The following NPEPPS variants were observed in gnomAD, a reference collection of about 807,000 sequenced individuals.
NPEPPS encodes aminopeptidase puromycin sensitive.
NPEPPS carries 14 observed loss-of-function variants against 115.5 expected under a neutral mutation model. The ratio of observed to expected loss-of-function variants is 0.12; its 90% CI spans 0.08 to 0.19. The LOEUF (loss-of-function observed/expected upper bound fraction) is 0.19. Among genes scored for constraint, NPEPPS ranks in the 10% least tolerant of loss-of-function variants. The pLI is 1.00. For missense variants in NPEPPS, 523 were observed against 1,110.8 expected, an observed-to-expected ratio of 0.47 and a Z score of 7.52; for synonymous variants, 285 against 390.6, an observed-to-expected ratio of 0.73 and a Z score of 3.19.
At chr17:47,616,882 C>T (rs76521704) in intron 19 of NPEPPS, among the ~76,000 whole-genome samples, 7,259 of 148,624 alleles carry the variant, frequency 0.049, 232 homozygotes, top group Middle Eastern at 0.16. Flanking sequence ...AAAAAAGTGT[C>T]GAAAGGAAGA....
intron 1 of NPEPPS, among the ~76,000 whole-genome samples, chr17:47,532,683 G>T (rs1002344152): frequency 2.1e-5 from 3 of 145,516 alleles, no homozygotes; most frequent in African/African-American, 7.6e-5. Flanking sequence ...AAAAAAAAAG[G>T]AAAGAAAGAA....
At chr17:47,540,606 C>T (rs1184316556) in intron 1 of NPEPPS, among the ~76,000 whole-genome samples, 1 of 152,162 alleles carries the variant, frequency 6.6e-6, no homozygotes, top group African/African-American at 2.4e-5. Flanking sequence ...TGCTGATATC[C>T]AAAGTGCCAT....
chr17:47,573,538 T>TACC lies in NPEPPS; in HGVS notation c.418+4044_418+4045insACC, dbSNP rs535975940. Among the ~76,000 whole-genome samples, 191 of 152,172 alleles carry TACC rather than the reference T, an allele frequency of 1.3e-3. 1 individual carries two copies. Among genetic ancestry groups the TACC allele is most frequent in the African/African-American group, 4.1e-3 (171 of 41,538 alleles). ...TTAGCTAAAGCATGACTTTCTACAG[T>TACC]GAAGAGAAAATGTCTAAAGTTGAAA... On this transcript the variant is annotated intron_variant, in intron 3 of 22. Transcript: ENST00000322157.
intron 2 of NPEPPS, among the ~76,000 whole-genome samples, chr17:47,560,789 A>G (rs1910377269): frequency 6.6e-6 from 1 of 152,176 alleles, no homozygotes; most frequent in Non-Finnish European, 1.5e-5. Context: ...AACCACATAA[A>G]CAATATGATA....
chr17:47,559,007 C>T (rs551960439), intron 2 of NPEPPS, among the ~76,000 whole-genome samples: 3 of 151,144 alleles, frequency 2.0e-5, no homozygotes, highest in Non-Finnish European at 4.4e-5. Context: ...CATTGCATTC[C>T]AGCCTGGACA....
chr17:47,613,745 C>T lies in NPEPPS; in HGVS notation c.2295+20C>T, dbSNP rs758943398. On this transcript the variant is annotated intron_variant, in intron 19 of 22. Transcript: ENST00000322157. Reference sequence around the variant, plus strand: ...TTAAAAGTAAGTATATTTGAGAAGGCTCCCATTTCCTGCTTTTGAACTTGG... The same window carrying T: ...TTAAAAGTAAGTATATTTGAGAAGGTTCCCATTTCCTGCTTTTGAACTTGG... 1.3e-6 allele frequency: 2 copies of T among 1,580,934 alleles called. No homozygotes were observed. Among genetic ancestry groups the T allele is most frequent in the South Asian group, 2.2e-5 (2 of 89,642 alleles).
intron 1 of NPEPPS, among the ~76,000 whole-genome samples, chr17:47,543,217 C>G (rs1217759735): frequency 6.6e-6 from 1 of 151,010 alleles, no homozygotes; most frequent in Non-Finnish European, 1.5e-5. Flanking sequence ...AACTTAATGG[C>G]GCGCACACAC....
intron 17 of NPEPPS, among the ~76,000 whole-genome samples, chr17:47,611,420 C>G (rs979836594): frequency 7.4e-5 from 11 of 148,992 alleles, no homozygotes; most frequent in African/African-American, 2.7e-4. Context: ...GATCATGCCA[C>G]TGTACTCCAG....
chr17:47,590,420 A>AAC (rs1328117385), intron 9 of NPEPPS, among the ~76,000 whole-genome samples: 1 of 151,486 alleles, frequency 6.6e-6, no homozygotes, highest in Non-Finnish European at 1.5e-5. Flanking sequence ...GCTACTGGTG[A>AAC]ACACTCCAGC....
intron 4 of NPEPPS, chr17:47,580,942 T>C (rs1911836167): frequency 6.6e-6 from 1 of 151,772 alleles, no homozygotes; most frequent in Non-Finnish European, 1.5e-5. Context: ...AAATCCCAAA[T>C]CGTATAGTGG....
chr17:47,621,128 C>T (rs1914537679), intron 22 of NPEPPS, among the ~76,000 whole-genome samples: 1 of 147,696 alleles, frequency 6.8e-6, no homozygotes, highest in South Asian at 2.2e-4. Flanking sequence ...CTGTGATGAG[C>T]CATGATCGTT....
At chr17:47,543,870 A>T (rs1379847333) in intron 1 of NPEPPS, among the ~76,000 whole-genome samples, 14 of 145,548 alleles carry the variant, frequency 9.6e-5, no homozygotes, top group African/African-American at 9.9e-5. Context: ...CCAAGATGCT[A>T]GTTTGTTTGT....
chr17:47,570,123 A>G (rs1361554907), intron 3 of NPEPPS, among the ~76,000 whole-genome samples: 1 of 152,176 alleles, frequency 6.6e-6, no homozygotes, highest in Non-Finnish European at 1.5e-5. Context: ...TTACCTTTTT[A>G]AAAATACCTT....
intron 2 of NPEPPS, among the ~76,000 whole-genome samples, chr17:47,562,088 G>C (rs1816891571): frequency 6.6e-6 from 1 of 152,204 alleles, no homozygotes; most frequent in Admixed American, 6.5e-5. Context: ...GCCTTGTTCT[G>C]TGCACCTCTT....
intron 1 of NPEPPS, among the ~76,000 whole-genome samples, chr17:47,544,801 C>G (rs1174455309): frequency 6.9e-6 from 1 of 145,210 alleles, no homozygotes; most frequent in Non-Finnish European, 1.5e-5. Flanking sequence ...GCAAGCTCAC[C>G]TCCTGGGTTC....
At chr17:47,619,549 C>T (rs1193730894) in intron 21 of NPEPPS, 188 bp from the exon 22 acceptor site, 17 of 572,614 alleles carry the variant, frequency 3.0e-5, no homozygotes, top group African/African-American at 1.3e-4. Context: ...TGTGAAACTC[C>T]GTCTCAAAAA....
At chr17:47,606,261 C>T (rs1035479755) in intron 17 of NPEPPS, among the ~76,000 whole-genome samples, 1 of 152,124 alleles carries the variant, frequency 6.6e-6, no homozygotes, top group Non-Finnish European at 1.5e-5. Flanking sequence ...GTGTTCTCTG[C>T]TCTGATTATT....
At chr17:47,607,398 A>T (rs571079948) in intron 17 of NPEPPS, among the ~76,000 whole-genome samples, 1 of 152,334 alleles carries the variant, frequency 6.6e-6, no homozygotes, top group East Asian at 1.9e-4. Flanking sequence ...TGCTTAGGGT[A>T]TTCGAGGAAT....
At chr17:47,538,185 G>T (rs2143680607) in intron 1 of NPEPPS, among the ~76,000 whole-genome samples, 1 of 135,754 alleles carries the variant, frequency 7.4e-6, no homozygotes, top group African/African-American at 2.7e-5. Flanking sequence ...GAGCCACCGC[G>T]CCTAGCCATA....
Sources: gnomAD v4.1 joint callset for allele counts (sites outside exome capture counted in the v4.1 genomes callset) on GRCh38, gnomAD v4.1.1 for gene constraint, MANE v1.5 for transcripts, NCBI Gene and HGNC (gene_info 2026-07-23, HGNC 2026-07-21) for gene names.